FSTL5: variants seen among roughly 807,000 people sequenced by gnomAD.
FSTL5 encodes the protein follistatin like 5, also known as follistatin-related protein 5.
Under a neutral mutation model 89.1 loss-of-function variants are expected in FSTL5, and 62 were observed. The ratio of observed to expected loss-of-function variants is 0.70; its 90% CI spans 0.57 to 0.86. The LOEUF (loss-of-function observed/expected upper bound fraction) is 0.86. Ranked by LOEUF, FSTL5 falls within the 40% of genes least tolerant of loss-of-function variation. The pLI, the probability that FSTL5 is intolerant of heterozygous loss-of-function variation, is 0.00. For missense variants in FSTL5, 1,057 were observed against 1,001.6 expected (o/e 1.06, Z -0.75); for synonymous variants, 383 against 346.2 (o/e 1.11, Z -1.18).
intron 7 of FSTL5, among the ~76,000 whole-genome samples, chr4:161,616,159 T>C (rs1206913550): frequency 2.0e-5 from 3 of 152,038 alleles, no homozygotes; most frequent in African/African-American, 7.2e-5. Flanking sequence ...CAATCTCGAC[T>C]CACTGCAACC....
At chr4:161,827,283 A>G (rs1374271294) in intron 4 of FSTL5, among the ~76,000 whole-genome samples, 1 of 152,212 alleles carries the variant, frequency 6.6e-6, no homozygotes, top group East Asian at 1.9e-4. Flanking sequence ...GAGTGCCTGC[A>G]CAGTTCTGTG....
chr4:162,137,799 C>A (rs1458724114), intron 1 of FSTL5, among the ~76,000 whole-genome samples: 2 of 152,136 alleles, frequency 1.3e-5, no homozygotes, highest in Non-Finnish European at 2.9e-5. Flanking sequence ...CTATATGATA[C>A]CATTATATTT....
chr4:161,726,227 C>CTTTTTTTTTT (rs5863477), intron 6 of FSTL5, among the ~76,000 whole-genome samples: 5 of 113,676 alleles, frequency 4.4e-5, no homozygotes, highest in Non-Finnish European at 6.7e-5. Flanking sequence ...TTTTCTTTTT[C>CTTTTTTTTTT]TTTTTTTTTT....
At position 162,162,358 on chromosome 4, in the gene FSTL5, C is replaced by T. The variant is rs889811520; in HGVS notation, c.-17+1257G>A. Among the ~76,000 whole-genome samples, 23 of 152,012 alleles carry T rather than the reference C, an allele frequency of 1.5e-4. 1 individual carries two copies. The highest frequency in any genetic ancestry group is 1.3e-4 in the Admixed American group (2 of 15,242). The stretch of plus-strand genomic sequence containing the variant: ...TCAGTTGAATAATACTTATTAAGTA[C>T]GAAACAGCTTTATATTTAACTCATT... On this transcript the variant is annotated intron_variant, in intron 1 of 15. Transcript: ENST00000306100.
At chr4:162,150,429 GA>G (rs1166374056) in intron 1 of FSTL5, among the ~76,000 whole-genome samples, 2 of 152,026 alleles carry the variant, frequency 1.3e-5, no homozygotes, top group Non-Finnish European at 2.9e-5. Flanking sequence ...ACAGTGTCTA[GA>G]AATGTGTCTG....
In FSTL5 at chr4:161,447,985, G is replaced by A. The variant is rs534637749; in HGVS notation, c.1841+7019C>T. Among the ~76,000 whole-genome samples the A allele has an allele frequency of 5.3e-5, 8 of 152,106 alleles. No homozygotes were observed. In the South Asian group the frequency reaches 1.4e-3, roughly 28 times the overall value. ...TGAGATAATAGGTTCTGAAAATACA[G>A]AGTTTGTGTTTGTTTGGAGTGGAGA... On this transcript the variant is annotated intron_variant, in intron 15 of 15. Coordinates refer to ENST00000306100, the MANE Select transcript of FSTL5 (RefSeq NM_020116.5).
intron 7 of FSTL5, among the ~76,000 whole-genome samples, chr4:161,636,442 A>C (rs956181267): frequency 1.5e-5 from 2 of 137,632 alleles, no homozygotes; most frequent in Non-Finnish European, 1.5e-5. Context: ...GAATTCTGGC[A>C]GTTGTTTTTT....
At chr4:162,013,553 G>T (rs113222891) in intron 3 of FSTL5, among the ~76,000 whole-genome samples, 150 of 152,214 alleles carry the variant, frequency 9.9e-4, no homozygotes, top group African/African-American at 2.7e-3. Flanking sequence ...TAGAATTTGG[G>T]AAGGAAAAAA....
chr4:161,496,566 A>G (rs1298707446), intron 12 of FSTL5, among the ~76,000 whole-genome samples: 1 of 152,150 alleles, frequency 6.6e-6, no homozygotes, highest in Admixed American at 6.6e-5. Flanking sequence ...AGCCTGCTCT[A>G]TGAATTTAAG....
At chr4:161,507,351 C>T (rs1406116019) in intron 11 of FSTL5, among the ~76,000 whole-genome samples, 1 of 151,370 alleles carries the variant, frequency 6.6e-6, no homozygotes, top group Non-Finnish European at 1.5e-5. Context: ...AAAATGAAAA[C>T]AAATCATACT....
At chr4:162,002,674 C>T (rs1319771190) in intron 3 of FSTL5, among the ~76,000 whole-genome samples, 1 of 152,170 alleles carries the variant, frequency 6.6e-6, no homozygotes, top group Non-Finnish European at 1.5e-5. Context: ...CAATCTACTA[C>T]ATAGACCCAA....
chr4:161,632,236 T>A (rs1735527699), intron 7 of FSTL5, among the ~76,000 whole-genome samples: 1 of 151,794 alleles, frequency 6.6e-6, no homozygotes, highest in Admixed American at 6.6e-5. Context: ...AAAAATTAGT[T>A]GGGTGTGGTG....
chr4:161,825,057 G>T (rs965044425), intron 4 of FSTL5, among the ~76,000 whole-genome samples: 18 of 152,090 alleles, frequency 1.2e-4, no homozygotes, highest in Non-Finnish European at 2.1e-4. Context: ...TTACATTAAA[G>T]TATGTCCCTT....
chr4:161,573,280 C>T (rs960028051), intron 8 of FSTL5, among the ~76,000 whole-genome samples: 10 of 151,894 alleles, frequency 6.6e-5, no homozygotes, highest in Non-Finnish European at 1.0e-4. Flanking sequence ...TGTGCTGGCA[C>T]ATGCCTGTAG....
intron 2 of FSTL5, among the ~76,000 whole-genome samples, chr4:162,098,478 TA>T (rs1207052204): frequency 2.0e-5 from 3 of 152,000 alleles, no homozygotes; most frequent in African/African-American, 7.2e-5. Flanking sequence ...GTCCATTGTA[TA>T]AAAAATATTG....
chr4:161,666,622 T>C (rs1423885346), intron 6 of FSTL5, among the ~76,000 whole-genome samples: 1 of 152,036 alleles, frequency 6.6e-6, no homozygotes, highest in Non-Finnish European at 1.5e-5. Flanking sequence ...GAACACATAA[T>C]TTTTTAAGAC....
At chr4:161,555,400 C>T (rs549570000) in intron 8 of FSTL5, among the ~76,000 whole-genome samples, 6 of 151,254 alleles carry the variant, frequency 4.0e-5, no homozygotes, top group African/African-American at 1.5e-4. Flanking sequence ...TTTCTCTAAA[C>T]CTAAAGAAAA....
chr4:161,827,483 G>A (rs1730702035), intron 4 of FSTL5, among the ~76,000 whole-genome samples: 1 of 152,160 alleles, frequency 6.6e-6, no homozygotes, highest in African/African-American at 2.4e-5. Context: ...AGCATAGGGA[G>A]GATCAGGTGG....
chr4:161,694,651 A>T (rs1275785710), intron 6 of FSTL5, among the ~76,000 whole-genome samples: 1 of 151,854 alleles, frequency 6.6e-6, no homozygotes, highest in East Asian at 1.9e-4. Flanking sequence ...GATTTTTGTT[A>T]TTTTTTTCCC....
Sources: allele counts gnomAD v4.1 joint callset (sites outside exome capture counted in the v4.1 genomes callset), GRCh38; gene constraint gnomAD v4.1.1; transcripts MANE v1.5; gene names NCBI Gene and HGNC (gene_info 2026-07-23, HGNC 2026-07-21).